DRC3: variants seen among roughly 807,000 people sequenced by gnomAD.
DRC3 encodes the protein dynein regulatory complex subunit 3.
Under a neutral mutation model 57.6 loss-of-function variants are expected in DRC3, and 45 were observed. The ratio of observed to expected loss-of-function variants is 0.78; its 90% CI spans 0.62 to 1.00. DRC3 has a LOEUF of 1.00. DRC3 is among the 50% of genes least tolerant of loss of function. The pLI is 0.00. For synonymous variants in DRC3, 257 were observed against 272.3 expected (o/e 0.94, Z 0.55); for missense variants, 655 against 675.2 (o/e 0.97, Z 0.33).
chr17:17,997,689 C>T, intron 9 of DRC3, 55 bp downstream of exon 9: 4 of 1,462,126 alleles, frequency 2.7e-6, no homozygotes, highest in Non-Finnish European at 2.7e-6. Context: ...GCCCTCCCTG[C>T]TCTTGCCACT....
At chr17:17,973,131 G>GC (rs28366006) in intron 1 of DRC3, 157 bp downstream of exon 1, 71,504 of 150,928 alleles carry the variant, frequency 0.47, 18,672 homozygotes, top group East Asian at 0.91. Context: ...TTACAGTCGT[G>GC]TGAGACAGCC....
At chr17:18,000,153 C>T (rs1157387919) in intron 9 of DRC3, among the ~76,000 whole-genome samples, 1 of 122,080 alleles carries the variant, frequency 8.2e-6, no homozygotes, top group Admixed American at 8.8e-5. Context: ...TGTGTGTGTA[C>T]ATGTATGCAT....
In DRC3 at chr17:17,992,768, A is replaced by G. The variant is rs1289616018; in HGVS notation, c.448A>G (p.Ile150Val). 2 of 1,613,224 alleles carry G rather than the reference A, an allele frequency of 1.2e-6. No individual in the cohort carries two copies. The highest frequency in any genetic ancestry group is 1.1e-5 in the South Asian group (1 of 90,952). ...CTTTCTCCCTTTTTCTCCCCAGATCATCTACCTCCGGCGGTTCAAGTGCCT... is the reference window on the plus strand; with the variant it reads ...CTTTCTCCCTTTTTCTCCCCAGATCGTCTACCTCCGGCGGTTCAAGTGCCT... ...NNRIDNMMNI[I>V]YLRRFKCLRT... The change falls in exon 6 of 14, where the codon ATC becomes GTC. Residue 150 changes from isoleucine to valine, a missense_variant. By Grantham distance (29) the Ile-to-Val change is conservative. Coordinates refer to ENST00000399187, the MANE Select transcript of DRC3 (RefSeq NM_031294.4).
intron 10 of DRC3, 112 bp downstream of exon 10, chr17:18,004,606 C>T (rs1216306172): frequency 3.3e-6 from 4 of 1,216,182 alleles, no homozygotes; most frequent in Non-Finnish European, 4.6e-6. Context: ...CAGCACGACT[C>T]AGCGTGGCAG....
intron 12 of DRC3, chr17:18,010,883 C>T: frequency 5.7e-6 from 2 of 353,808 alleles, no homozygotes; most frequent in South Asian, 2.3e-5. Context: ...TTCTCCCCGC[C>T]CATCAAGTAG....
At position 17,997,604 on chromosome 17, in the gene DRC3, G is replaced by C. The variant is rs747234839; in HGVS notation, c.969G>C (p.Lys323Asn). The C allele has an allele frequency of 2.0e-5, 33 of 1,609,862 alleles. 1 individual carries two copies. Among genetic ancestry groups the C allele is most frequent in the South Asian group, 5.5e-5 (5 of 90,268 alleles). ...IQENQEQGKR[K>N]IAKFEEKHLS... Reference sequence around the variant, plus strand: ...AAAACCAGGAGCAGGGCAAACGCAAGATTGCCAAATTCGAGGAGAAGCACT... The same window carrying C: ...AAAACCAGGAGCAGGGCAAACGCAACATTGCCAAATTCGAGGAGAAGCACT... Residue 323 changes from lysine (K) to asparagine (N), a missense_variant, in exon 9 of 14, where the codon AAG becomes AAC. Transcript: ENST00000399187.
chr17:17,991,102 T>C (rs1169241878), intron 5 of DRC3, among the ~76,000 whole-genome samples: 1 of 151,386 alleles, frequency 6.6e-6, no homozygotes, highest in African/African-American at 2.5e-5. Flanking sequence ...TGTATCTTCA[T>C]AATTTAGCAC....
At chr17:18,015,944 C>G in intron 12 of DRC3, 120 bp from the exon 13 acceptor site, 3 of 1,057,840 alleles carry the variant, frequency 2.8e-6, no homozygotes, top group Non-Finnish European at 4.2e-6. Flanking sequence ...AAGGTGGGCT[C>G]TGCTCTGAGT....
chr17:18,015,939 G>A, intron 12 of DRC3, 125 bp from the exon 13 acceptor site: 8 of 951,332 alleles, frequency 8.4e-6, no homozygotes, highest in Non-Finnish European at 1.1e-5. Flanking sequence ...ATACAAAGGT[G>A]GGCTCTGCTC....
chr17:17,985,312 G>A (rs921127908), intron 4 of DRC3, among the ~76,000 whole-genome samples: 2 of 152,204 alleles, frequency 1.3e-5, no homozygotes, highest in Non-Finnish European at 2.9e-5. Flanking sequence ...GGCCATCCAC[G>A]CTTCCAAGGG....
chr17:18,010,945 T>C (rs2044145700), intron 12 of DRC3: 2 of 249,690 alleles, frequency 8.0e-6, no homozygotes, highest in Non-Finnish European at 8.0e-6. Flanking sequence ...TGAGGTTTTT[T>C]TTTTGTTTGT....
Position 17,992,907 on chromosome 17 carries a change from A to G in DRC3, c.587A>G (p.His196Arg). Residue 196 changes from histidine to arginine, a missense_variant, in exon 6 of 14, where the codon CAC becomes CGC. Coordinates refer to ENST00000399187, the MANE Select transcript of DRC3 (RefSeq NM_031294.4). ...CTGGACTACCGGCGCATTGATGACC[A>G]CACAGCAAGTGTCTCCCTCTCAGTC... Reference protein sequence around the residue: ...MYLDYRRIDDHTKKLAEAKHQ... With the variant: ...MYLDYRRIDDRTKKLAEAKHQ... The G allele has an allele frequency of 1.2e-6, 2 of 1,613,916 alleles. No homozygotes were observed. Among genetic ancestry groups the G allele is most frequent in the Non-Finnish European group, 1.7e-6 (2 of 1,179,836 alleles).
In DRC3 at chr17:17,997,507, G is replaced by GC; in HGVS notation, c.874dup (p.Leu292ProfsTer12). 6.2e-7 allele frequency: 1 copy of GC among 1,612,856 alleles called. No individual in the cohort carries two copies. Among genetic ancestry groups the GC allele is most frequent in the Non-Finnish European group, 8.5e-7 (1 of 1,179,492 alleles). ...ATCTGCGTGAATATTTTTGAGTATGGCCTGAAACAGCAGGAGAAGCGGAAA... is the reference window on the plus strand; with the variant it reads ...ATCTGCGTGAATATTTTTGAGTATGGCCCTGAAACAGCAGGAGAAGCGGAAA... On this transcript the variant is annotated frameshift_variant, in exon 9 of 14. Coordinates refer to ENST00000399187, the MANE Select transcript of DRC3 (RefSeq NM_031294.4). LOFTEE classifies it high-confidence loss of function.
chr17:18,006,502 C>G, intron 11 of DRC3: 1 of 554,708 alleles, frequency 1.8e-6, no homozygotes, highest in South Asian at 2.2e-5. Flanking sequence ...CCCTGTGTTG[C>G]AGGCAAGCAC....
intron 2 of DRC3, among the ~76,000 whole-genome samples, chr17:17,976,446 G>A (rs776355284): frequency 2.0e-5 from 3 of 152,200 alleles, no homozygotes; most frequent in Non-Finnish European, 4.4e-5. Flanking sequence ...TTGGGAAGCG[G>A]AGGCAGGTGG....
At chr17:17,985,224 C>T (rs1313456751) in intron 4 of DRC3, among the ~76,000 whole-genome samples, 2 of 152,230 alleles carry the variant, frequency 1.3e-5, no homozygotes, top group African/African-American at 4.8e-5. Flanking sequence ...CCCTCCCTAA[C>T]AGAAGCTTAT....
At chr17:18,005,594 C>A (rs2043919271) in intron 10 of DRC3, 1 of 153,164 alleles carries the variant, frequency 6.5e-6, no homozygotes, top group African/African-American at 2.4e-5. Context: ...TGCCAGCCCG[C>A]TCCTACTGAG....
intron 9 of DRC3, among the ~76,000 whole-genome samples, chr17:18,001,666 C>T (rs946370067): frequency 6.6e-6 from 1 of 151,950 alleles, no homozygotes; most frequent in Non-Finnish European, 1.5e-5. Flanking sequence ...GGAGGTGGTT[C>T]ACAACTGTAA....
chr17:17,986,284 C>G (rs978338157), intron 4 of DRC3, among the ~76,000 whole-genome samples: 4 of 152,196 alleles, frequency 2.6e-5, no homozygotes, highest in African/African-American at 4.8e-5. Flanking sequence ...TCTCAGTTTC[C>G]TCATCTATAA....
Sources: gnomAD v4.1 joint callset for allele counts (sites outside exome capture counted in the v4.1 genomes callset) on GRCh38, gnomAD v4.1.1 for gene constraint, MANE v1.5 for transcripts, NCBI Gene and HGNC (gene_info 2026-07-23, HGNC 2026-07-21) for gene names.